The following SYK variants were observed in gnomAD, a reference collection of about 807,000 sequenced individuals.
SYK encodes the protein tyrosine-protein kinase SYK.
Under a neutral mutation model 77.8 loss-of-function variants are expected in SYK, and 16 were observed. That is an observed-to-expected ratio of 0.21 (90% CI 0.14 to 0.31). The LOEUF is 0.31. SYK is among the 10% of genes least tolerant of loss of function. SYK has a pLI of 1.00. For synonymous variants in SYK, 312 were observed against 308.7 expected, an observed-to-expected ratio of 1.01 and a Z score of -0.11; for missense variants, 529 against 814.4, an observed-to-expected ratio of 0.65 and a Z score of 4.26.
Position 90,895,280 on chromosome 9 carries a change from G to C in SYK, c.1836-248G>C, listed in dbSNP as rs945168079. Among the ~76,000 whole-genome samples, 4 of 152,206 alleles carry C rather than the reference G, an allele frequency of 2.6e-5. No homozygotes were observed. Among genetic ancestry groups the C allele is most frequent in the Non-Finnish European group, 5.9e-5 (4 of 68,028 alleles). On this transcript the variant is annotated intron_variant, in intron 13 of 13. Transcript: ENST00000375754. The surrounding 1 kb of genome is among the most constrained non-coding windows in gnomAD (Gnocchi z 4.4). ...AAGTCTCCTACTTTAGGGTGGACAT[G>C]AATCACCGGGAGGTCTTGTTAAAGT... is the stretch of plus-strand genomic sequence containing the variant.
intron 1 of SYK, among the ~76,000 whole-genome samples, chr9:90,826,670 T>G (rs1242071394): frequency 1.3e-5 from 2 of 152,200 alleles, no homozygotes; most frequent in Non-Finnish European, 2.9e-5. Context: ...TTTCACGGCC[T>G]TTTGTGGAGT....
At chr9:90,841,775 T>C (rs1357486927) in intron 1 of SYK, among the ~76,000 whole-genome samples, 1 of 150,900 alleles carries the variant, frequency 6.6e-6, no homozygotes, top group African/African-American at 2.4e-5. Flanking sequence ...ATGTGTGTAG[T>C]ACATGGTGTG....
At chr9:90,891,551 G>A (rs1271097787) in intron 13 of SYK, among the ~76,000 whole-genome samples, 1 of 152,090 alleles carries the variant, frequency 6.6e-6, no homozygotes, top group African/African-American at 2.4e-5. Flanking sequence ...GCTTAGCTAT[G>A]CTTGCAGCTT....
chr9:90,884,678 T>C lies in SYK; in HGVS notation c.1582-3071T>C, dbSNP rs1307781236. On this transcript the variant is annotated intron_variant, in intron 11 of 13. Coordinates refer to ENST00000375754, the MANE Select transcript of SYK (RefSeq NM_003177.7). ...ACACATATGTGTACATGTACATATA[T>C]ACACATATACACATATGTGTACATG... Among the ~76,000 whole-genome samples, 76 of 52,828 alleles carry C rather than the reference T, an allele frequency of 1.4e-3. 27 individuals carry two copies. The highest frequency in any genetic ancestry group is 6.5e-3 in the African/African-American group (73 of 11,286). The allele number at this position is 52,828 out of a possible 152,430, so 34.7% of individuals were successfully genotyped here. A position where few individuals can be genotyped will look rare whatever the true frequency, so the allele number is the denominator to read the frequency against.
intron 1 of SYK, among the ~76,000 whole-genome samples, chr9:90,830,068 C>T (rs534078189): frequency 9.8e-5 from 15 of 152,300 alleles, no homozygotes; most frequent in African/African-American, 2.9e-4. Context: ...AAAATCATGC[C>T]TCATGCTACC....
chr9:90,825,134 A>G (rs1825630139), intron 1 of SYK, among the ~76,000 whole-genome samples: 1 of 151,024 alleles, frequency 6.6e-6, no homozygotes, highest in Non-Finnish European at 1.5e-5. Context: ...AAAAAAAAAC[A>G]CAAGAAAATA....
chr9:90,838,485 T>C (rs767934549), intron 1 of SYK, among the ~76,000 whole-genome samples: 11 of 152,210 alleles, frequency 7.2e-5, no homozygotes, highest in African/African-American at 2.7e-4. Flanking sequence ...TAAGTGCACA[T>C]TTAACTTGTG....
intron 1 of SYK, among the ~76,000 whole-genome samples, chr9:90,814,844 A>G (rs1273971087): frequency 1.8e-5 from 1 of 56,966 alleles, no homozygotes; most frequent in Non-Finnish European, 4.1e-5. Context: ...GCACACACAC[A>G]CACACACACA....
intron 9 of SYK, among the ~76,000 whole-genome samples, chr9:90,877,235 G>C (rs368260792): frequency 1.3e-5 from 2 of 152,128 alleles, no homozygotes; most frequent in South Asian, 2.1e-4. Context: ...AGAGATGGGG[G>C]TCTCACTATG....
At chr9:90,874,575 C>A in intron 8 of SYK, 97 bp from the exon 9 acceptor site, 1 of 1,399,972 alleles carries the variant, frequency 7.1e-7, no homozygotes, top group South Asian at 1.3e-5. Context: ...ATTGATGCTA[C>A]TCTGAGTTCA....
At chr9:90,869,500 A>G (rs542724342) in intron 7 of SYK, among the ~76,000 whole-genome samples, 1 of 152,342 alleles carries the variant, frequency 6.6e-6, no homozygotes, top group African/African-American at 2.4e-5. Context: ...GCTAATATGT[A>G]TATTTTCACA....
At chr9:90,881,018 C>T (rs757476309) in intron 11 of SYK, among the ~76,000 whole-genome samples, 6 of 152,156 alleles carry the variant, frequency 3.9e-5, no homozygotes, top group Non-Finnish European at 7.4e-5. Flanking sequence ...GTGGGGGCTG[C>T]CAGGCCTATA....
chr9:90,841,057 TGTTA>T (rs139747271), intron 1 of SYK, among the ~76,000 whole-genome samples: 3,842 of 151,996 alleles, frequency 0.025, 167 homozygotes, highest in East Asian at 0.23. Context: ...TGTAGTGTAG[TGTTA>T]GTTGTGTGTA....
rs992171542 is a variant in SYK, at chr9:90,853,257, G to A, written c.578+7663G>A. ...ATCATCTAGTGTGTCGCTAACTATAGGAACTGGGAAGTGGCCTTCAGAGCA... is the reference window on the plus strand; with the variant it reads ...ATCATCTAGTGTGTCGCTAACTATAAGAACTGGGAAGTGGCCTTCAGAGCA... On this transcript the variant is annotated intron_variant, in intron 3 of 13. Coordinates refer to ENST00000375754, the MANE Select transcript of SYK (RefSeq NM_003177.7). Among the ~76,000 whole-genome samples, 3 of 148,772 alleles carry A rather than the reference G, an allele frequency of 2.0e-5. No homozygotes were observed. The East Asian group carries it at 5.9e-4, about 29-fold the overall frequency.
intron 1 of SYK, among the ~76,000 whole-genome samples, chr9:90,829,864 G>A (rs1050390850): frequency 1.3e-5 from 2 of 152,172 alleles, no homozygotes; most frequent in African/African-American, 4.8e-5. Flanking sequence ...ATGGCAAGGT[G>A]GGCATAGAGA....
At chr9:90,812,227 A>G (rs1457849829) in intron 1 of SYK, among the ~76,000 whole-genome samples, 2 of 152,164 alleles carry the variant, frequency 1.3e-5, no homozygotes, top group East Asian at 3.8e-4. Flanking sequence ...AGGAGTGTGT[A>G]CTTTTTTCAA....
Position 90,867,117 on chromosome 9 carries a change from G to T in SYK, c.847-14G>T. ...GAAACATTTACTGTTCCTCTTTGCC[G>T]TTGTGGTTTCTAGACTTGGTCAGCG... is the stretch of plus-strand genomic sequence containing the variant. On this transcript the variant is annotated splice_polypyrimidine_tract_variant and intron_variant, in intron 6 of 13. Transcript: ENST00000375754. 2.5e-6 allele frequency: 4 copies of T among 1,613,910 alleles called. No homozygotes were observed. Among genetic ancestry groups the T allele is most frequent in the Middle Eastern group, 3.3e-4 (2 of 6,020 alleles).
chr9:90,862,661 G>C (rs972906714), intron 4 of SYK, among the ~76,000 whole-genome samples: 3 of 152,228 alleles, frequency 2.0e-5, no homozygotes, highest in Non-Finnish European at 2.9e-5. Context: ...AGTGCCACAA[G>C]GTGATGTAAG....
At chr9:90,867,365 GCCCCAGGT>G (rs1232841743) in intron 7 of SYK, among the ~76,000 whole-genome samples, 166 bp downstream of exon 7, 5 of 152,094 alleles carry the variant, frequency 3.3e-5, no homozygotes, top group African/African-American at 9.7e-5. Flanking sequence ...GGGCAGCCGC[GCCCCAGGT>G]ACATCATGTG....
Sources: gnomAD v4.1 joint callset for allele counts (sites outside exome capture counted in the v4.1 genomes callset) on GRCh38, gnomAD v4.1.1 for gene constraint, Gnocchi (gnomAD v3.1) non-coding constraint, MANE v1.5 for transcripts, NCBI Gene and HGNC (gene_info 2026-07-23, HGNC 2026-07-21) for gene names.